Variants in LSAMP observed in about 807,000 individuals in gnomAD.
The protein encoded by LSAMP is limbic system-associated membrane protein.
Under a neutral mutation model 38.6 loss-of-function variants are expected in LSAMP, and 7 were observed. The observed-to-expected ratio is 0.18, with a 90% CI of 0.10 to 0.34. The LOEUF (loss-of-function observed/expected upper bound fraction) is 0.34, where lower values mean the gene tolerates loss of function less well. Ranked by LOEUF, LSAMP falls within the 10% of genes least tolerant of loss-of-function variation. The pLI is 1.00. For synonymous variants in LSAMP, 154 were observed against 166.8 expected (o/e 0.92, Z 0.59); for missense variants, 313 against 420.0 (o/e 0.75, Z 2.23).
chr3:116,245,778 G>A (rs183979507), intron 1 of LSAMP, among the ~76,000 whole-genome samples: 1 of 152,198 alleles, frequency 6.6e-6, no homozygotes, highest in East Asian at 1.9e-4. Context: ...CCCAAACTGA[G>A]GCACACAAGT....
chr3:115,955,640 G>A (rs1307899396), intron 3 of LSAMP, among the ~76,000 whole-genome samples: 1 of 152,156 alleles, frequency 6.6e-6, no homozygotes, highest in Non-Finnish European at 1.5e-5. Flanking sequence ...TAGCCCAGCA[G>A]GTAGTTGTGT....
chr3:116,015,048 T>C, intron 3 of LSAMP, among the ~76,000 whole-genome samples: 1 of 152,196 alleles, frequency 6.6e-6, no homozygotes, highest in Non-Finnish European at 1.5e-5. Flanking sequence ...TTTCATGCTC[T>C]TCAGACTCCT....
intron 1 of LSAMP, among the ~76,000 whole-genome samples, chr3:116,296,993 T>G (rs1370077036): frequency 6.6e-6 from 1 of 152,208 alleles, no homozygotes; most frequent in Non-Finnish European, 1.5e-5. Context: ...CATAGGATTC[T>G]TTTCCTCGTA....
At chr3:115,845,054 A>G (rs191141693) in intron 4 of LSAMP, among the ~76,000 whole-genome samples, 52 of 152,344 alleles carry the variant, frequency 3.4e-4, no homozygotes, top group Admixed American at 2.9e-3. Context: ...AGAACTGATG[A>G]GACTAGAAAT....
intron 6 of LSAMP, among the ~76,000 whole-genome samples, chr3:115,840,650 C>A (rs113518214): frequency 2.6e-5 from 4 of 152,126 alleles, no homozygotes; most frequent in Admixed American, 6.5e-5. Context: ...TTTTTATAAA[C>A]GGAGTTGGAT....
intron 2 of LSAMP, among the ~76,000 whole-genome samples, chr3:116,023,436 T>C (rs1421982377): frequency 1.4e-5 from 2 of 138,942 alleles, no homozygotes; most frequent in African/African-American, 5.3e-5. Flanking sequence ...CTACTAAAAA[T>C]ACTAAAAAAA....
At chr3:115,900,410 G>C (rs556425535) in intron 3 of LSAMP, among the ~76,000 whole-genome samples, 1 of 151,844 alleles carries the variant, frequency 6.6e-6, no homozygotes, top group East Asian at 2.0e-4. Context: ...TAGCTACTTG[G>C]GGGGCTGAGG....
At chr3:115,905,860 A>T (rs927162187) in intron 3 of LSAMP, among the ~76,000 whole-genome samples, 6 of 152,030 alleles carry the variant, frequency 3.9e-5, no homozygotes, top group African/African-American at 1.4e-4. Context: ...ATACATAAGG[A>T]TATTTTTGTG....
intron 3 of LSAMP, among the ~76,000 whole-genome samples, chr3:115,892,476 C>A (rs779012228): frequency 6.6e-6 from 1 of 151,874 alleles, no homozygotes. Context: ...TGAGAGAAGC[C>A]AGACACAAAA....
chr3:116,306,862 A>G (rs1387624131), intron 1 of LSAMP, among the ~76,000 whole-genome samples: 1 of 151,976 alleles, frequency 6.6e-6, no homozygotes, highest in Non-Finnish European at 1.5e-5. Context: ...CTCTAAATAG[A>G]ATGTTTTACC....
At chr3:116,306,088 C>T (rs775430571) in intron 1 of LSAMP, among the ~76,000 whole-genome samples, 4 of 151,892 alleles carry the variant, frequency 2.6e-5, no homozygotes, top group Non-Finnish European at 5.9e-5. Context: ...AAGGCTATCA[C>T]GTACCAGGAA....
intron 3 of LSAMP, among the ~76,000 whole-genome samples, chr3:115,957,095 T>A (rs1027664468): frequency 1.3e-5 from 2 of 152,230 alleles, no homozygotes; most frequent in African/African-American, 2.4e-5. Context: ...TCTTTGTGAA[T>A]ATCTTATGAA....
intron 1 of LSAMP, among the ~76,000 whole-genome samples, chr3:116,173,774 G>GA (rs1270347932): frequency 1.1e-5 from 1 of 93,084 alleles, no homozygotes; most frequent in Non-Finnish European, 2.0e-5. Flanking sequence ...AAGAAGAGGG[G>GA]AAAACATTTT....
chr3:116,386,937 T>C (rs1432125542), intron 1 of LSAMP, among the ~76,000 whole-genome samples: 4 of 152,292 alleles, frequency 2.6e-5, no homozygotes, highest in Admixed American at 6.5e-5. Flanking sequence ...TGAGAAGATA[T>C]GTCTGGTCAA....
chr3:116,309,650 ATTAC>A (rs2047530139), intron 1 of LSAMP, among the ~76,000 whole-genome samples: 1 of 152,090 alleles, frequency 6.6e-6, no homozygotes, highest in African/African-American at 2.4e-5. Flanking sequence ...ACAAGAGTCT[ATTAC>A]TTCATGATGT....
At chr3:116,246,173 T>C (rs1391997784) in intron 1 of LSAMP, among the ~76,000 whole-genome samples, 1 of 152,200 alleles carries the variant, frequency 6.6e-6, no homozygotes, top group African/African-American at 2.4e-5. Context: ...CTTTATGACA[T>C]CCTATTTCTG....
chr3:116,276,666 T>C (rs2047055939), intron 1 of LSAMP, among the ~76,000 whole-genome samples: 1 of 129,066 alleles, frequency 7.7e-6, no homozygotes, highest in African/African-American at 3.1e-5. Context: ...CAATAACCTA[T>C]GGAAAAATAA....
chr3:116,390,926 C>G (rs1348758791), intron 1 of LSAMP, among the ~76,000 whole-genome samples: 3 of 152,002 alleles, frequency 2.0e-5, no homozygotes, highest in Admixed American at 2.0e-4. Flanking sequence ...GCGGGGTTCA[C>G]TCAGAACAGC....
At chr3:116,425,814 G>A (rs187315603) in intron 1 of LSAMP, among the ~76,000 whole-genome samples, 113 of 151,684 alleles carry the variant, frequency 7.4e-4, no homozygotes, top group African/African-American at 2.7e-3. Flanking sequence ...AGAGGAGGAT[G>A]GGCTTAAAAA....
Sources: allele counts gnomAD v4.1 joint callset (sites outside exome capture counted in the v4.1 genomes callset), GRCh38; gene constraint gnomAD v4.1.1; transcripts MANE v1.5; gene names NCBI Gene and HGNC (gene_info 2026-07-23, HGNC 2026-07-21).